Variants in S100Z observed in about 807,000 individuals in gnomAD.
S100Z encodes the protein S100 calcium binding protein Z.
S100Z carries 11 observed loss-of-function variants against 8.5 expected under a neutral mutation model. The observed-to-expected ratio is 1.30, with a 90% confidence interval of 0.82 to 2.15. The LOEUF (loss-of-function observed/expected upper bound fraction) is 2.15, where lower values mean the gene tolerates loss of function less well. Among genes scored for constraint, S100Z ranks in the 30% most tolerant of loss-of-function variants. S100Z has a pLI of 0.00. For synonymous variants in S100Z, 34 were observed against 43.8 expected (o/e 0.78, Z 0.89); for missense variants, 126 against 117.9 (o/e 1.07, Z -0.32).
intron 3 of S100Z, among the ~76,000 whole-genome samples, chr5:76,875,866 G>C (rs1743174600): frequency 6.6e-6 from 1 of 152,106 alleles, no homozygotes; most frequent in Admixed American, 6.5e-5. Flanking sequence ...TATGTATTGG[G>C]CCAGAGGTGA....
At chr5:76,900,360 A>G (rs1011352261) in intron 4 of S100Z, among the ~76,000 whole-genome samples, 1 of 151,166 alleles carries the variant, frequency 6.6e-6, no homozygotes, top group African/African-American at 2.4e-5. Context: ...TTTAAGGCTA[A>G]TAATCTTACA....
chr5:76,856,540 C>G (rs915503008), intron 1 of S100Z, among the ~76,000 whole-genome samples: 7 of 152,220 alleles, frequency 4.6e-5, no homozygotes, highest in African/African-American at 1.2e-4. Context: ...TCAGGTATTT[C>G]TTTACAGTGG....
At chr5:76,929,162 A>G in the S100Z span, among the ~76,000 whole-genome samples, 1 of 152,344 alleles carries the variant, frequency 6.6e-6, no homozygotes, top group African/African-American at 2.4e-5. Context: ...TCGCTGGACA[A>G]TGCACCCAAC....
intron 1 of S100Z, among the ~76,000 whole-genome samples, chr5:76,858,139 C>T (rs997599139): frequency 6.6e-6 from 1 of 152,180 alleles, no homozygotes; most frequent in African/African-American, 2.4e-5. Flanking sequence ...TGTGAGAGTG[C>T]AAGGGATTCC....
chr5:76,949,677 G>A, the S100Z span, among the ~76,000 whole-genome samples: 28 of 152,180 alleles, frequency 1.8e-4, no homozygotes, highest in Middle Eastern at 9.5e-3. Flanking sequence ...GAAACTTGAG[G>A]ACATTATGCT....
intron 4 of S100Z, among the ~76,000 whole-genome samples, chr5:76,879,695 G>A (rs1369377825): frequency 1.3e-5 from 2 of 152,144 alleles, no homozygotes; most frequent in African/African-American, 2.4e-5. Flanking sequence ...AAGAAGAAAC[G>A]TCTGACAGTT....
the S100Z span, among the ~76,000 whole-genome samples, chr5:76,936,901 G>A: frequency 1.3e-5 from 2 of 152,132 alleles, no homozygotes; most frequent in South Asian, 2.1e-4. Context: ...CTCAAGAGAC[G>A]GTCTCTCCTT....
rs370326458 is a variant in S100Z, at chr5:76,886,968, C to T, written c.*2+9134C>T. On this transcript the variant is annotated intron_variant, in intron 4 of 4. Coordinates refer to ENST00000317593, the MANE Select transcript of S100Z (RefSeq NM_130772.4). Reference sequence around the variant, plus strand: ...TTGCTTCAGGCCATCTGGATGTATACGTGCAGGTCACAGGGGATATGATGG... The same window carrying T: ...TTGCTTCAGGCCATCTGGATGTATATGTGCAGGTCACAGGGGATATGATGG... Among the ~76,000 whole-genome samples, 406 of 152,232 alleles carry T rather than the reference C, an allele frequency of 2.7e-3. 7 individuals are homozygous for T. The highest frequency in any genetic ancestry group is 0.026 in the South Asian group (126 of 4,816).
intron 2 of S100Z, among the ~76,000 whole-genome samples, chr5:76,873,625 G>A (rs1456570593): frequency 1.3e-5 from 2 of 152,078 alleles, no homozygotes; most frequent in Non-Finnish European, 2.9e-5. Context: ...TTTGTGTTAG[G>A]TGTACAGTGA....
chr5:76,871,301 C>A (rs2150634920), intron 2 of S100Z, among the ~76,000 whole-genome samples: 1 of 152,222 alleles, frequency 6.6e-6, no homozygotes, highest in Middle Eastern at 3.4e-3. Context: ...CTTTCCAGAT[C>A]TAGGAGAAAT....
chr5:76,943,662 C>T, the S100Z span, among the ~76,000 whole-genome samples: 523 of 152,276 alleles, frequency 3.4e-3, no homozygotes, highest in Non-Finnish European at 5.7e-3. Context: ...TTGCCCACAC[C>T]TTTGTAAACA....
chr5:76,907,207 T>A (rs563958375), intron 4 of S100Z, among the ~76,000 whole-genome samples: 4 of 151,960 alleles, frequency 2.6e-5, no homozygotes, highest in Non-Finnish European at 5.9e-5. Context: ...TGAGCATATA[T>A]GTGTGCGTCT....
At chr5:76,859,227 G>C (rs1750977875) in intron 1 of S100Z, among the ~76,000 whole-genome samples, 1 of 152,182 alleles carries the variant, frequency 6.6e-6, no homozygotes, top group Non-Finnish European at 1.5e-5. Context: ...ATAATTAGGA[G>C]TGAAATCAAG....
chr5:76,914,581 C>T (rs936284941), intron 4 of S100Z, among the ~76,000 whole-genome samples: 1 of 152,104 alleles, frequency 6.6e-6, no homozygotes, highest in African/African-American at 2.4e-5. Flanking sequence ...CTCTTTGGGT[C>T]CGCACTAACT....
chr5:76,872,283 C>T (rs1253065842), intron 2 of S100Z, among the ~76,000 whole-genome samples: 1 of 152,022 alleles, frequency 6.6e-6, no homozygotes, highest in Non-Finnish European at 1.5e-5. Flanking sequence ...TGTAACCTGC[C>T]ACCTTGGGCA....
chr5:76,934,096 A>G, the S100Z span, among the ~76,000 whole-genome samples: 1 of 152,222 alleles, frequency 6.6e-6, no homozygotes, highest in Admixed American at 6.5e-5. Context: ...AGGACCACAG[A>G]AGAATTAGTG....
At chr5:76,951,723 A>G in the S100Z span, among the ~76,000 whole-genome samples, 2 of 152,108 alleles carry the variant, frequency 1.3e-5, no homozygotes, top group Admixed American at 1.3e-4. Context: ...AGCCCTTGGG[A>G]TGAGAAGGAC....
At chr5:76,854,291 A>G (rs1387390684) in intron 1 of S100Z, among the ~76,000 whole-genome samples, 1 of 152,206 alleles carries the variant, frequency 6.6e-6, no homozygotes, top group African/African-American at 2.4e-5. Context: ...TGGAGGGCTC[A>G]GAGGACAACA....
rs144940643 is a variant in S100Z, at chr5:76,887,611, C to T, written c.*2+9777C>T. 9.0e-3 allele frequency among the ~76,000 whole-genome samples: 1,359 copies of T among 151,816 alleles called. 15 individuals are homozygous for T. The highest frequency in any genetic ancestry group is 0.031 in the African/African-American group (1,288 of 41,374). On this transcript the variant is annotated intron_variant, in intron 4 of 4. Transcript: ENST00000317593. ...CGGGGTCTCACCATGTTGGCCAGGCCAGTCTTGAACTCCTGAACACAAGTG... is the reference window on the plus strand; with the variant it reads ...CGGGGTCTCACCATGTTGGCCAGGCTAGTCTTGAACTCCTGAACACAAGTG...
Sources: gnomAD v4.1 joint callset for allele counts (sites outside exome capture counted in the v4.1 genomes callset) on GRCh38, gnomAD v4.1.1 for gene constraint, MANE v1.5 for transcripts, NCBI Gene and HGNC (gene_info 2026-07-23, HGNC 2026-07-21) for gene names.